Variants in HS6ST3 observed in about 807,000 individuals in gnomAD.
The protein encoded by HS6ST3 is heparan sulfate 6-O-sulfotransferase 3.
In HS6ST3, 12 loss-of-function variants were observed where a neutral mutation model predicts 36.7. The ratio of observed to expected loss-of-function variants is 0.33; its 90% CI spans 0.21 to 0.53. The LOEUF (loss-of-function observed/expected upper bound fraction) is 0.53. Among genes scored for constraint, HS6ST3 ranks in the 20% least tolerant of loss-of-function variants. HS6ST3 has a pLI of 0.95. For synonymous variants in HS6ST3, 240 were observed against 257.5 expected (o/e 0.93, Z 0.65); for missense variants, 584 against 640.9 (o/e 0.91, Z 0.96).
chr13:96,254,275 G>A lies in HS6ST3; in HGVS notation c.707+162706G>A, dbSNP rs1211330692. Among the ~76,000 whole-genome samples the A allele has an allele frequency of 4.0e-5, 6 of 150,852 alleles. No individual in the cohort carries two copies. The South Asian group carries it at 8.4e-4, about 21-fold the overall frequency. On this transcript the variant is annotated intron_variant, in intron 1 of 1. Transcript: ENST00000376705. ...CTAAAAATACAAAAATTAGCTGGGC[G>A]TGGTGTTGCGTGCCTGTAATCTCAG...
At chr13:96,235,555 G>A (rs2054530668) in intron 1 of HS6ST3, among the ~76,000 whole-genome samples, 1 of 152,140 alleles carries the variant, frequency 6.6e-6, no homozygotes, top group Admixed American at 6.6e-5. Flanking sequence ...AAAGTTTTCA[G>A]TGAAATGTAA....
intron 1 of HS6ST3, among the ~76,000 whole-genome samples, chr13:96,814,619 C>T (rs770757170): frequency 5.7e-4 from 87 of 151,896 alleles, no homozygotes; most frequent in Admixed American, 3.7e-3. Flanking sequence ...TCTTTGCTCT[C>T]TATTGGGGAT....
chr13:96,527,391 T>C (rs151189380), intron 1 of HS6ST3, among the ~76,000 whole-genome samples: 1 of 152,334 alleles, frequency 6.6e-6, no homozygotes, highest in East Asian at 1.9e-4. Context: ...TTGAGTACCA[T>C]GTTAGAACTG....
chr13:96,544,243 G>A (rs141064436), intron 1 of HS6ST3, among the ~76,000 whole-genome samples: 1 of 152,114 alleles, frequency 6.6e-6, no homozygotes, highest in Non-Finnish European at 1.5e-5. Context: ...TCACTGACAG[G>A]GATACTTATA....
chr13:96,386,813 C>T (rs911839310), intron 1 of HS6ST3, among the ~76,000 whole-genome samples: 1 of 152,190 alleles, frequency 6.6e-6, no homozygotes, highest in African/African-American at 2.4e-5. Flanking sequence ...TTGCAGTGAG[C>T]TGAGATTGCA....
At chr13:96,667,206 TAGC>T (rs1412089583) in intron 1 of HS6ST3, among the ~76,000 whole-genome samples, 1 of 152,178 alleles carries the variant, frequency 6.6e-6, no homozygotes, top group Admixed American at 6.5e-5. Context: ...AACAGAGAAA[TAGC>T]AGTAAGTAGC....
At chr13:96,123,446 A>G (rs1367912343) in intron 1 of HS6ST3, among the ~76,000 whole-genome samples, 1 of 152,220 alleles carries the variant, frequency 6.6e-6, no homozygotes, top group African/African-American at 2.4e-5. Flanking sequence ...AAATGGTATT[A>G]TGAATGGGTG....
In HS6ST3 at chr13:96,361,625, T is replaced by C. The variant is rs543088921; in HGVS notation, c.707+270056T>C. On this transcript the variant is annotated intron_variant, in intron 1 of 1. Coordinates refer to ENST00000376705, the MANE Select transcript of HS6ST3 (RefSeq NM_153456.4). Reference sequence around the variant, plus strand: ...GCTGCTTGCTTATTTTGGGATTAGATAATCTTTAAGATCTGAGTGCCAAGA... The same window carrying C: ...GCTGCTTGCTTATTTTGGGATTAGACAATCTTTAAGATCTGAGTGCCAAGA... Among the ~76,000 whole-genome samples the C allele has an allele frequency of 1.5e-4, 23 of 152,288 alleles. 1 individual carries two copies. The highest frequency in any genetic ancestry group is 1.4e-3 in the East Asian group (7 of 5,176).
chr13:96,305,857 T>C (rs2139406343), intron 1 of HS6ST3, among the ~76,000 whole-genome samples: 1 of 151,792 alleles, frequency 6.6e-6, no homozygotes, highest in South Asian at 2.1e-4. Flanking sequence ...ATTTTTTTTT[T>C]TTTTTTTTGG....
chr13:96,783,763 G>C (rs1372633113), intron 1 of HS6ST3, among the ~76,000 whole-genome samples: 1 of 152,006 alleles, frequency 6.6e-6, no homozygotes. Flanking sequence ...AGGAAGATAA[G>C]ATGTGATTCA....
chr13:96,814,046 A>C (rs1237163318), intron 1 of HS6ST3, among the ~76,000 whole-genome samples: 1 of 152,238 alleles, frequency 6.6e-6, no homozygotes, highest in East Asian at 1.9e-4. Context: ...TCTGGTATCT[A>C]TTGAAAGGTG....
At chr13:96,550,394 A>G (rs1401522049) in intron 1 of HS6ST3, among the ~76,000 whole-genome samples, 1 of 152,174 alleles carries the variant, frequency 6.6e-6, no homozygotes, top group East Asian at 1.9e-4. Context: ...CCAGAGGCTG[A>G]GCAGATGCTG....
chr13:96,517,072 T>C (rs564566143), intron 1 of HS6ST3, among the ~76,000 whole-genome samples: 93 of 152,284 alleles, frequency 6.1e-4, no homozygotes, highest in South Asian at 2.3e-3. Flanking sequence ...CTAAATTCCA[T>C]TGGCTGAAGA....
At chr13:96,828,410 G>A (rs145788689) in intron 1 of HS6ST3, among the ~76,000 whole-genome samples, 165 of 151,894 alleles carry the variant, frequency 1.1e-3, no homozygotes, top group East Asian at 8.1e-3. Flanking sequence ...GCTTTAAGTT[G>A]GTGTGTATTT....
chr13:96,642,516 C>A (rs2056573858), intron 1 of HS6ST3, among the ~76,000 whole-genome samples: 1 of 151,836 alleles, frequency 6.6e-6, no homozygotes, highest in Admixed American at 6.6e-5. Flanking sequence ...TTGGGACTCC[C>A]AGTATGTACA....
chr13:96,793,263 C>A lies in HS6ST3; in HGVS notation c.708-39227C>A, dbSNP rs1354977707. On this transcript the variant is annotated intron_variant, in intron 1 of 1. Coordinates refer to ENST00000376705, the MANE Select transcript of HS6ST3 (RefSeq NM_153456.4). ...GCTGCACACAGAAGGATTCTAATCA[C>A]CACTTTGCAAGGGCTAGGACTGACA... Among the ~76,000 whole-genome samples the A allele has an allele frequency of 2.0e-5, 3 of 152,034 alleles. No individual in the cohort carries two copies. In the East Asian group the frequency reaches 5.8e-4, roughly 29 times the overall value.
At chr13:96,635,273 T>G (rs978967235) in intron 1 of HS6ST3, among the ~76,000 whole-genome samples, 2 of 152,216 alleles carry the variant, frequency 1.3e-5, no homozygotes, top group South Asian at 4.2e-4. Flanking sequence ...TTTTTTCCCT[T>G]AAGTGCTTAT....
At chr13:96,767,961 T>C (rs1268902605) in intron 1 of HS6ST3, among the ~76,000 whole-genome samples, 1 of 152,222 alleles carries the variant, frequency 6.6e-6, no homozygotes, top group Admixed American at 6.5e-5. Flanking sequence ...TTCCTTGTTC[T>C]GCCTCCTTTG....
intron 1 of HS6ST3, among the ~76,000 whole-genome samples, chr13:96,463,650 G>T (rs1217415450): frequency 6.6e-6 from 1 of 152,044 alleles, no homozygotes; most frequent in Non-Finnish European, 1.5e-5. Context: ...AAAAGACAAT[G>T]TAAACAGAAA....
Sources: allele counts gnomAD v4.1 joint callset (sites outside exome capture counted in the v4.1 genomes callset), GRCh38; gene constraint gnomAD v4.1.1; transcripts MANE v1.5; gene names NCBI Gene and HGNC (gene_info 2026-07-23, HGNC 2026-07-21).